Variants in DNM2 observed in about 807,000 individuals in gnomAD.
The protein encoded by DNM2 is dynamin-2.
DNM2 carries 15 observed loss-of-function variants against 99.0 expected under a neutral mutation model. The ratio of observed to expected loss-of-function variants is 0.15; its 90% CI spans 0.10 to 0.23. DNM2 has a LOEUF of 0.23. DNM2 is among the 10% of genes least tolerant of loss of function. The pLI is 1.00. For missense variants in DNM2, 742 were observed against 1,189.4 expected (o/e 0.62, Z 5.53); for synonymous variants, 525 against 481.2 (o/e 1.09, Z -1.19).
chr19:10,786,228 C>G (rs140102080), intron 6 of DNM2, among the ~76,000 whole-genome samples: 206 of 152,346 alleles, frequency 1.4e-3, no homozygotes, highest in African/African-American at 4.8e-3. Context: ...GGGCCTGTCC[C>G]CATGTGTGTT....
chr19:10,822,334 C>CAT (rs1429108839), intron 16 of DNM2, among the ~76,000 whole-genome samples: 9 of 151,208 alleles, frequency 6.0e-5, no homozygotes, highest in East Asian at 3.9e-4. Flanking sequence ...GGACTACAGG[C>CAT]GCACACCACC....
At position 10,765,375 on chromosome 19, in the gene DNM2, G is replaced by A. The variant is rs182317451; in HGVS notation, c.235+5564G>A. On this transcript the variant is annotated intron_variant, in intron 2 of 20. Coordinates refer to ENST00000389253, the MANE Select transcript of DNM2 (RefSeq NM_001005361.3). This position sits in a 1 kb window ranked among gnomAD's most constrained non-coding sequence, Gnocchi z 4.4. ...GCTCCGCATGCACGGCCGAGTGAAC[G>A]AGCTCAAAGGGCTGGTGCTGTGCCC... Among the ~76,000 whole-genome samples the A allele has an allele frequency of 6.6e-6, 1 of 152,372 alleles. No homozygotes were observed. The highest frequency in any genetic ancestry group is 1.9e-4 in the East Asian group (1 of 5,190).
At chr19:10,787,964 G>A (rs897272927) in intron 7 of DNM2, among the ~76,000 whole-genome samples, 8 of 152,088 alleles carry the variant, frequency 5.3e-5, no homozygotes, top group African/African-American at 1.9e-4. Flanking sequence ...AGGGGTGGTG[G>A]CTTACGCCTG....
chr19:10,793,296 G>T, intron 7 of DNM2, among the ~76,000 whole-genome samples: 1 of 152,082 alleles, frequency 6.6e-6, no homozygotes, highest in East Asian at 1.9e-4. Context: ...ACATCCCATC[G>T]ATGGGTCAGG....
intron 15 of DNM2, 138 bp from the exon 16 acceptor site, chr19:10,819,842 A>T: frequency 1.3e-6 from 1 of 789,020 alleles, no homozygotes; most frequent in Admixed American, 1.8e-5. Context: ...AAGGGCCGGC[A>T]GATGGGCTCA....
chr19:10,773,973 G>C (rs1454216531), intron 3 of DNM2, among the ~76,000 whole-genome samples: 1 of 152,124 alleles, frequency 6.6e-6, no homozygotes, highest in Admixed American at 6.6e-5. Context: ...ACATCCTCTG[G>C]CCCAGAGGCA....
Position 10,795,577 on chromosome 19 carries a change from G to A in DNM2, c.1196+138G>A, listed in dbSNP as rs533474777. On this transcript the variant is annotated intron_variant, in intron 9 of 20. Coordinates refer to ENST00000389253, the MANE Select transcript of DNM2 (RefSeq NM_001005361.3). This position sits in a 1 kb window ranked among gnomAD's most constrained non-coding sequence, Gnocchi z 4.2. ...CTTGGATGGTTTTCTGTAGCTGCGA[G>A]CCCCTCCCTGAGGGTCTCCAAGGGC... is the stretch of plus-strand genomic sequence containing the variant. 1.0e-6 allele frequency: 1 copy of A among 984,450 alleles called. No homozygotes were observed. Among genetic ancestry groups the A allele is most frequent in the Non-Finnish European group, 1.6e-6 (1 of 635,622 alleles). The allele number at this position is 984,450 out of a possible 1,614,324, so 61.0% of individuals were successfully genotyped here.
Position 10,817,086 on chromosome 19 carries a change from G to A in DNM2, c.1672-2894G>A, listed in dbSNP as rs1040550719. Among the ~76,000 whole-genome samples, 1 of 152,170 alleles carries A rather than the reference G, an allele frequency of 6.6e-6. No homozygotes were observed. The highest frequency in any genetic ancestry group is 2.4e-5 in the African/African-American group (1 of 41,438). On this transcript the variant is annotated intron_variant, in intron 15 of 20. Transcript: ENST00000389253. The surrounding 1 kb of genome is among the most constrained non-coding windows in gnomAD (Gnocchi z 4.6). ...ACCACCCAAGTTAGGATCCCAGCAGGGACCCTTGGAGTCACACACGTGGCA... is the reference window on the plus strand; with the variant it reads ...ACCACCCAAGTTAGGATCCCAGCAGAGACCCTTGGAGTCACACACGTGGCA...
In DNM2 at chr19:10,820,121, G is replaced by A; in HGVS notation, c.1781+32G>A. 6.2e-7 allele frequency: 1 copy of A among 1,605,908 alleles called. No individual in the cohort carries two copies. The highest frequency in any genetic ancestry group is 1.3e-5 in the African/African-American group (1 of 74,876). On this transcript the variant is annotated intron_variant, in intron 16 of 20. Coordinates refer to ENST00000389253, the MANE Select transcript of DNM2 (RefSeq NM_001005361.3). This position sits in a 1 kb window ranked among gnomAD's most constrained non-coding sequence, Gnocchi z 4.3. Reference sequence around the variant, plus strand: ...GGCCCAGGGGCCTGGGGATGGCTCGGGGTGAAGACCAATGGCCTCATTCAC... The same window carrying A: ...GGCCCAGGGGCCTGGGGATGGCTCGAGGTGAAGACCAATGGCCTCATTCAC...
At position 10,775,377 on chromosome 19, in the gene DNM2, C is replaced by T. The variant is rs2071120445; in HGVS notation, c.386-326C>T. 1.3e-5 allele frequency among the ~76,000 whole-genome samples: 2 copies of T among 152,202 alleles called. No individual in the cohort carries two copies. Among genetic ancestry groups the T allele is most frequent in the South Asian group, 4.1e-4 (2 of 4,832 alleles). ...GATTGCAGATGTGAGCCACCGCACC[C>T]AGCCTCATCTGTTTGTCTGTAATGG... On this transcript the variant is annotated intron_variant, in intron 3 of 20. Coordinates refer to ENST00000389253, the MANE Select transcript of DNM2 (RefSeq NM_001005361.3). The surrounding 1 kb of genome is among the most constrained non-coding windows in gnomAD (Gnocchi z 4.3).
At chr19:10,794,330 G>T (rs1471779939) in intron 8 of DNM2, among the ~76,000 whole-genome samples, 2 of 138,238 alleles carry the variant, frequency 1.4e-5, no homozygotes, top group African/African-American at 2.7e-5. Context: ...GCTAGGATTT[G>T]GGACTTCTTT....
intron 15 of DNM2, among the ~76,000 whole-genome samples, chr19:10,815,162 G>A (rs921221336): frequency 3.9e-5 from 6 of 152,146 alleles, no homozygotes; most frequent in Non-Finnish European, 8.8e-5. Context: ...GCCTGGCTCC[G>A]CGTCTCCTGT....
intron 1 of DNM2, among the ~76,000 whole-genome samples, chr19:10,735,215 AT>A (rs1274398913): frequency 2.0e-5 from 3 of 146,834 alleles, no homozygotes; most frequent in Non-Finnish European, 3.0e-5. Flanking sequence ...TAATTTTTGT[AT>A]TTTTTTTTAG....
intron 17 of DNM2, chr19:10,824,388 G>A (rs2073076977): frequency 4.7e-6 from 1 of 211,826 alleles, no homozygotes; most frequent in Non-Finnish European, 9.7e-6. Flanking sequence ...TGTAATCCCA[G>A]TTACTCAGGA....
rs1310180147 is a variant in DNM2 at position 10,831,270 on chromosome 19, G to A, written c.*223G>A. ...AGCTCCAGGCAGGGGGCGCTGGGGT[G>A]TTGCACTTTGGGGGATGGAGTCTCA... On this transcript the variant is annotated 3_prime_UTR_variant, in exon 21 of 21. Transcript: ENST00000389253. The surrounding 1 kb of genome is among the most constrained non-coding windows in gnomAD (Gnocchi z 4.3). The A allele has an allele frequency of 1.4e-5, 18 of 1,312,332 alleles. No homozygotes were observed. Among genetic ancestry groups the A allele is most frequent in the Non-Finnish European group, 1.7e-5 (18 of 1,033,948 alleles). 81.3% of individuals were successfully genotyped at this position (1,312,332 alleles called of 1,614,324 possible). A position where few individuals can be genotyped will look rare whatever the true frequency, so the allele number is the denominator to read the frequency against.
chr19:10,738,730 CGTG>C, intron 1 of DNM2, among the ~76,000 whole-genome samples: 1 of 151,898 alleles, frequency 6.6e-6, no homozygotes, highest in South Asian at 2.1e-4. Flanking sequence ...GTTAGCTGGG[CGTG>C]GTGGTGGGTG....
chr19:10,737,173 G>A (rs781202946), intron 1 of DNM2, among the ~76,000 whole-genome samples: 1 of 152,006 alleles, frequency 6.6e-6, no homozygotes, highest in Non-Finnish European at 1.5e-5. Flanking sequence ...ATCCTCCCTG[G>A]CCCTCAGTTC....
At chr19:10,721,392 G>A (rs572427125) in intron 1 of DNM2, among the ~76,000 whole-genome samples, 45 of 152,264 alleles carry the variant, frequency 3.0e-4, no homozygotes, top group African/African-American at 1.1e-3. Flanking sequence ...CCTGACCTCA[G>A]GTGATCCGCC....
chr19:10,805,924 A>G lies in DNM2; in HGVS notation c.1502A>G (p.Gln501Arg). 6.2e-7 allele frequency: 1 copy of G among 1,614,078 alleles called. No homozygotes were observed. Among genetic ancestry groups the G allele is most frequent in the African/African-American group, 1.3e-5 (1 of 74,974 alleles). Residue 501 changes from glutamine (Q) to arginine (R), a missense_variant, in exon 13 of 21, where the codon CAG becomes CGG. Transcript: ENST00000389253. ...EDFIGFANAQ[Q>R]RSTQLNKKRA... ...CTGTTCTTTGGTTTCAGTGCCCAGC[A>G]GAGGAGCACGCAGCTGAACAAGAAG...
Sources: allele counts gnomAD v4.1 joint callset (sites outside exome capture counted in the v4.1 genomes callset), GRCh38; gene constraint gnomAD v4.1.1; non-coding constraint Gnocchi (gnomAD v3.1); transcripts MANE v1.5; gene names NCBI Gene and HGNC (gene_info 2026-07-23, HGNC 2026-07-21).